The following PKHD1L1 variants were observed in gnomAD, a reference collection of about 807,000 sequenced individuals.
PKHD1L1 encodes PKHD1 like 1, also known as fibrocystin-L.
Under a neutral mutation model 462.9 loss-of-function variants are expected in PKHD1L1, and 434 were observed. The ratio of observed to expected loss-of-function variants is 0.94; its 90% confidence interval spans 0.87 to 1.02. PKHD1L1 has a LOEUF of 1.02. Among genes scored for constraint, PKHD1L1 ranks in the 50% least tolerant of loss-of-function variants. The pLI, the probability that PKHD1L1 is intolerant of heterozygous loss-of-function variation, is 0.00. For missense variants in PKHD1L1, 5,202 were observed against 5,096.1 expected (o/e 1.02, Z -0.63); for synonymous variants, 1,781 against 1,750.0 (o/e 1.02, Z -0.44).
intron 5 of PKHD1L1, 84 bp from the exon 6 acceptor site, chr8:109,385,453 G>A: frequency 1.2e-6 from 1 of 845,818 alleles, no homozygotes; most frequent in South Asian, 1.8e-5. Flanking sequence ...TGGTTTTATT[G>A]GGAAAATCTC....
At position 109,364,450 on chromosome 8, in the gene PKHD1L1, G is replaced by A. The variant is rs375498502; in HGVS notation, c.74-97G>A. ...CTTTCAATCCTGTAAACTTCATAAT[G>A]TTTTCCTTGCAACCTTGTGGTATGT... is the stretch of plus-strand genomic sequence containing the variant. On this transcript the variant is annotated intron_variant, in intron 1 of 77. Transcript: ENST00000378402. The A allele has an allele frequency of 1.1e-5, 9 of 841,150 alleles. 1 individual carries two copies. Among genetic ancestry groups the A allele is most frequent in the African/African-American group, 1.7e-5 (1 of 57,492 alleles). 52.1% of individuals were successfully genotyped at this position (841,150 alleles called of 1,614,324 possible).
intron 26 of PKHD1L1, 138 bp from the exon 27 acceptor site, chr8:109,429,794 A>T (rs548598250): frequency 1.5e-6 from 1 of 678,518 alleles, no homozygotes; most frequent in Admixed American, 2.9e-5. Context: ...TGAATGAAAT[A>T]TCAAAGTACA....
At chr8:109,409,607 C>T (rs761739591) in intron 18 of PKHD1L1, among the ~76,000 whole-genome samples, 13 of 152,038 alleles carry the variant, frequency 8.6e-5, no homozygotes, top group Non-Finnish European at 1.6e-4. Flanking sequence ...AATATGTCTG[C>T]CTTATAACTA....
At chr8:109,431,153 A>C (rs747570547) in intron 27 of PKHD1L1, among the ~76,000 whole-genome samples, 50 of 152,070 alleles carry the variant, frequency 3.3e-4, no homozygotes, top group Non-Finnish European at 5.6e-4. Context: ...TTTTTAGTAG[A>C]GACAGAGTTT....
At chr8:109,415,483 C>G (rs1814100672) in intron 21 of PKHD1L1, among the ~76,000 whole-genome samples, 2 of 151,576 alleles carry the variant, frequency 1.3e-5, no homozygotes, top group Non-Finnish European at 2.9e-5. Context: ...AGGGTGTAGA[C>G]CTGGAGGTGC....
intron 11 of PKHD1L1, 35 bp downstream of exon 11, chr8:109,396,172 AC>A (rs1812965021): frequency 7.0e-7 from 1 of 1,436,156 alleles, no homozygotes; most frequent in Non-Finnish European, 9.6e-7. Flanking sequence ...TTACTTTATT[AC>A]CACAAATTCT....
At chr8:109,495,125 C>G (rs575508846) in intron 63 of PKHD1L1, among the ~76,000 whole-genome samples, 1 of 151,916 alleles carries the variant, frequency 6.6e-6, no homozygotes, top group South Asian at 2.1e-4. Flanking sequence ...CATTTTTAGA[C>G]TTAAGCTGGT....
chr8:109,374,369 C>T (rs1251033363), intron 2 of PKHD1L1, among the ~76,000 whole-genome samples: 1 of 152,154 alleles, frequency 6.6e-6, no homozygotes, highest in Non-Finnish European at 1.5e-5. Context: ...CGTCCTCCAT[C>T]CCTTTATTTT....
intron 65 of PKHD1L1, 30 bp downstream of exon 65, chr8:109,497,302 G>GA (rs34137189): frequency 1.8e-4 from 281 of 1,595,814 alleles, no homozygotes; most frequent in Middle Eastern, 1.5e-3. Flanking sequence ...ACACCATGGA[G>GA]AAAAAAATAA....
At chr8:109,518,752 T>C (rs1376283738) in intron 73 of PKHD1L1, among the ~76,000 whole-genome samples, 1 of 152,176 alleles carries the variant, frequency 6.6e-6, no homozygotes, top group African/African-American at 2.4e-5. Flanking sequence ...ACAAAAGAAT[T>C]TGATCTAATA....
intron 76 of PKHD1L1, 37 bp from the exon 77 acceptor site, chr8:109,526,747 A>C: frequency 1.3e-6 from 2 of 1,488,126 alleles, no homozygotes; most frequent in Non-Finnish European, 1.8e-6. Flanking sequence ...AGTAAAACAT[A>C]AAGGAAATCA....
intron 3 of PKHD1L1, among the ~76,000 whole-genome samples, chr8:109,382,109 TC>T (rs1318154534): frequency 1.3e-5 from 2 of 152,188 alleles, no homozygotes; most frequent in Admixed American, 1.3e-4. Context: ...GATTAACTAG[TC>T]CTTTTTAGGA....
At chr8:109,442,298 T>A (rs1334528280) in intron 35 of PKHD1L1, 103 bp downstream of exon 35, 1 of 992,074 alleles carries the variant, frequency 1.0e-6, no homozygotes, top group Non-Finnish European at 1.4e-6. Context: ...ATAAATAATA[T>A]ACACAAATGC....
chr8:109,394,876 G>A (rs906247023), intron 10 of PKHD1L1, among the ~76,000 whole-genome samples: 6 of 152,164 alleles, frequency 3.9e-5, no homozygotes, highest in Non-Finnish European at 8.8e-5. Context: ...TTATTACATC[G>A]AAAATGCATT....
In PKHD1L1 at chr8:109,523,215, C is replaced by CTT. The variant is rs71305955; in HGVS notation, c.12331-4_12331-3dup. The CTT allele has an allele frequency of 1.1e-3, 1,606 of 1,437,958 alleles. No individual in the cohort carries two copies. The highest frequency in any genetic ancestry group is 2.7e-3 in the South Asian group (196 of 73,660). 89.1% of individuals were successfully genotyped at this position (1,437,958 alleles called of 1,614,324 possible). A position where few individuals can be genotyped will look rare whatever the true frequency, so the allele number is the denominator to read the frequency against. The stretch of plus-strand genomic sequence containing the variant: ...ACAGGACAATTGTTATAATTATCTA[C>CTT]TTTTTTTTTTTTTTTAGGGTAACTG... On this transcript the variant is annotated splice_polypyrimidine_tract_variant and intron_variant, in intron 75 of 77. Coordinates refer to ENST00000378402, the MANE Select transcript of PKHD1L1 (RefSeq NM_177531.6).
At position 109,518,455 on chromosome 8, in the gene PKHD1L1, T is replaced by C. The variant is rs200139342; in HGVS notation, c.11978T>C (p.Ile3993Thr). The change falls in exon 73 of 78, where the codon ATT (isoleucine) becomes ACT (threonine). Residue 3993 changes from isoleucine to threonine, a missense_variant. Physicochemically the swap from Ile to Thr is moderately conservative, Grantham distance 89. Transcript: ENST00000378402. ...LRRKRSMGFI[I>T]EIEIGDPPIQ... Reference sequence around the variant, plus strand: ...AGGAAGAGATCCATGGGATTCATAATTGAAATAGAGATTGGAGACCCTCCT... The same window carrying C: ...AGGAAGAGATCCATGGGATTCATAACTGAAATAGAGATTGGAGACCCTCCT... 1.1e-5 allele frequency: 18 copies of C among 1,609,438 alleles called. 1 individual carries two copies. Among genetic ancestry groups the C allele is most frequent in the African/African-American group, 5.3e-5 (4 of 75,010 alleles).
chr8:109,457,604 T>C (rs1259593558), intron 46 of PKHD1L1, among the ~76,000 whole-genome samples: 2 of 152,136 alleles, frequency 1.3e-5, no homozygotes, highest in Non-Finnish European at 2.9e-5. Flanking sequence ...TACCACTTAC[T>C]AGTTCTGTAG....
At chr8:109,399,891 T>G (rs1266644752) in intron 12 of PKHD1L1, among the ~76,000 whole-genome samples, 185 bp from the exon 13 acceptor site, 1 of 152,162 alleles carries the variant, frequency 6.6e-6, no homozygotes, top group Non-Finnish European at 1.5e-5. Flanking sequence ...GAAGTAATAA[T>G]GAACAAATTA....
intron 67 of PKHD1L1, among the ~76,000 whole-genome samples, chr8:109,502,526 TG>T (rs138365246): frequency 0.02 from 3,005 of 152,334 alleles, 87 homozygotes; most frequent in African/African-American, 0.061. Flanking sequence ...CATCGCACTT[TG>T]TTTCTGTCAG....
Sources: gnomAD v4.1 joint callset for allele counts (sites outside exome capture counted in the v4.1 genomes callset) on GRCh38, gnomAD v4.1.1 for gene constraint, MANE v1.5 for transcripts, NCBI Gene and HGNC (gene_info 2026-07-23, HGNC 2026-07-21) for gene names.